The following NRCAM variants were observed in gnomAD, a reference collection of about 807,000 sequenced individuals.
The protein encoded by NRCAM is NgCAM-related cell adhesion molecule.
In NRCAM, 83 loss-of-function variants were observed where a neutral mutation model predicts 156.5. That is an observed-to-expected ratio of 0.53 (90% CI 0.44 to 0.64). The LOEUF is 0.64. Ranked by LOEUF, NRCAM falls within the 30% of genes least tolerant of loss-of-function variation. The probability of loss-of-function intolerance (pLI) is 0.00; values close to 1 mark genes in which losing one functional copy is unlikely to be tolerated. For missense variants in NRCAM, 1,417 were observed against 1,597.3 expected (o/e 0.89, Z 1.92); for synonymous variants, 538 against 563.9 (o/e 0.95, Z 0.65).
chr7:108,175,445 A>G, intron 27 of NRCAM, 88 bp from the exon 28 acceptor site: 1 of 1,164,400 alleles, frequency 8.6e-7, no homozygotes, highest in Non-Finnish European at 1.2e-6. Context: ...AACACTTATT[A>G]AAATGCTAAA....
intron 2 of NRCAM, among the ~76,000 whole-genome samples, chr7:108,322,003 G>A (rs940269332): frequency 2.0e-5 from 3 of 152,220 alleles, no homozygotes; most frequent in East Asian, 1.9e-4. Context: ...TTAAAAGGAA[G>A]GCGAGGAAGA....
intron 31 of NRCAM, among the ~76,000 whole-genome samples, chr7:108,159,830 AC>A (rs1050324836): frequency 2.6e-5 from 4 of 152,162 alleles, no homozygotes; most frequent in African/African-American, 9.7e-5. Flanking sequence ...CTATTTGTTA[AC>A]TATATTAATG....
chr7:108,244,576 C>T (rs982199816), intron 3 of NRCAM, among the ~76,000 whole-genome samples: 1 of 151,960 alleles, frequency 6.6e-6, no homozygotes, highest in African/African-American at 2.4e-5. Context: ...ATAATTAACA[C>T]ATCAACAGAG....
intron 3 of NRCAM, among the ~76,000 whole-genome samples, chr7:108,255,774 G>A (rs1333439532): frequency 2.0e-5 from 3 of 151,264 alleles, no homozygotes; most frequent in Admixed American, 6.6e-5. Context: ...GTCTCTGCCC[G>A]ACCGCCACCC....
intron 2 of NRCAM, among the ~76,000 whole-genome samples, chr7:108,331,408 A>T (rs76610206): frequency 7.2e-6 from 1 of 139,794 alleles, no homozygotes; most frequent in East Asian, 2.0e-4. Context: ...CTCTAAACTT[A>T]AAAAAAAAAA....
At chr7:108,187,208 T>C (rs2067426263) in intron 20 of NRCAM, among the ~76,000 whole-genome samples, 1 of 152,146 alleles carries the variant, frequency 6.6e-6, no homozygotes, top group African/African-American at 2.4e-5. Flanking sequence ...GTTAAAACCC[T>C]CCAAGGGCTT....
chr7:108,200,324 A>G (rs2077275830), intron 13 of NRCAM, among the ~76,000 whole-genome samples: 1 of 152,242 alleles, frequency 6.6e-6, no homozygotes, highest in Non-Finnish European at 1.5e-5. Context: ...GAGGATGGAT[A>G]TGACACACTG....
intron 3 of NRCAM, among the ~76,000 whole-genome samples, chr7:108,293,808 A>C (rs1056643294): frequency 1.3e-5 from 2 of 152,176 alleles, no homozygotes; most frequent in Admixed American, 1.3e-4. Context: ...AGCTTACGTA[A>C]CTTGTATAAG....
chr7:108,292,461 TGCTTACTAACTCAGGAGTATGTTTTATCC>T (rs1450310840), intron 3 of NRCAM, among the ~76,000 whole-genome samples: 4 of 152,222 alleles, frequency 2.6e-5, no homozygotes, highest in African/African-American at 9.6e-5. Context: ...TTTAGAGACT[TGCTTACTAACTCAGGAGTATGTTTTATCC>T]ACAAAAGTTT....
At chr7:108,433,410 G>C (rs912509219) in intron 1 of NRCAM, among the ~76,000 whole-genome samples, 2 of 152,170 alleles carry the variant, frequency 1.3e-5, no homozygotes, top group Admixed American at 1.3e-4. Context: ...GCTCCCCAAA[G>C]TGTGGTTTGG....
intron 1 of NRCAM, among the ~76,000 whole-genome samples, chr7:108,423,683 A>T (rs1813275209): frequency 6.6e-6 from 1 of 152,216 alleles, no homozygotes; most frequent in South Asian, 2.1e-4. Flanking sequence ...TTTTGGTGGC[A>T]ATCATGCTAA....
intron 2 of NRCAM, among the ~76,000 whole-genome samples, chr7:108,374,305 T>A (rs906490401): frequency 4.6e-5 from 7 of 152,156 alleles, no homozygotes; most frequent in Admixed American, 1.3e-4. Flanking sequence ...GAGGAACAAC[T>A]GATAACTGAA....
intron 3 of NRCAM, among the ~76,000 whole-genome samples, chr7:108,279,453 T>A (rs2097771447): frequency 6.6e-6 from 1 of 152,184 alleles, no homozygotes; most frequent in Admixed American, 6.5e-5. Context: ...TCTGGAAGTT[T>A]GGGAATTGGG....
intron 3 of NRCAM, among the ~76,000 whole-genome samples, chr7:108,281,887 T>A (rs1269681): frequency 0.89 from 135,354 of 152,292 alleles, 60,276 homozygotes; most frequent in African/African-American, 0.92. Context: ...GATTTTTGAT[T>A]AAACACAATT....
In NRCAM at chr7:108,159,560, G is replaced by C; in HGVS notation, c.3599-19C>G. 6.3e-7 allele frequency: 1 copy of C among 1,585,456 alleles called. No individual in the cohort carries two copies. On this transcript the variant is annotated intron_variant, in intron 31 of 32. Transcript: ENST00000379028. The stretch of plus-strand genomic sequence containing the variant: ...TCTTTAACTAAAAAATGCCAAAATG[G>C]TATTATTATCTGTTGATCCTGTTCT...
chr7:108,201,453 C>T (rs2078080284), intron 13 of NRCAM, among the ~76,000 whole-genome samples: 1 of 152,180 alleles, frequency 6.6e-6, no homozygotes, highest in Non-Finnish European at 1.5e-5. Context: ...AGTTACACCA[C>T]CACGCGATAT....
chr7:108,248,858 AT>A (rs2096144772), intron 3 of NRCAM, among the ~76,000 whole-genome samples: 1 of 152,182 alleles, frequency 6.6e-6, no homozygotes, highest in African/African-American at 2.4e-5. Flanking sequence ...AGCATGGCCT[AT>A]TCACAATCAA....
At chr7:108,249,058 T>C (rs2096164382) in intron 3 of NRCAM, among the ~76,000 whole-genome samples, 1 of 152,192 alleles carries the variant, frequency 6.6e-6, no homozygotes, top group Non-Finnish European at 1.5e-5. Context: ...TTCTTTTCTA[T>C]AACTTGTGCT....
rs1296401118 is a variant in NRCAM at position 108,226,254 on chromosome 7, A to T, written c.675T>A (p.Thr225=). ...DYICYARFNH[T]QTIQQKQPIS... is the part of the protein sequence containing the mutation. ...TAGGTTGCTTCTGCTGTATGGTTTG[A>T]GTATGATTAAATCTAGCATAACAGA... Residue 225 remains threonine (T), a synonymous_variant, in exon 9 of 33, where the codon ACT becomes ACA. Coordinates refer to ENST00000379028, the MANE Select transcript of NRCAM (RefSeq NM_001037132.4). 6.2e-7 allele frequency: 1 copy of T among 1,610,582 alleles called. No individual in the cohort carries two copies. The highest frequency in any genetic ancestry group is 8.5e-7 in the Non-Finnish European group (1 of 1,178,926).
Sources: gnomAD v4.1 joint callset for allele counts (sites outside exome capture counted in the v4.1 genomes callset) on GRCh38, gnomAD v4.1.1 for gene constraint, MANE v1.5 for transcripts, NCBI Gene and HGNC (gene_info 2026-07-23, HGNC 2026-07-21) for gene names.